The following EYS variants were observed in gnomAD, a reference collection of about 807,000 sequenced individuals.
The protein encoded by EYS is protein eyes shut homolog.
A neutral mutation model predicts 282.1 loss-of-function variants in EYS; 250 were observed. The ratio of observed to expected loss-of-function variants is 0.89; its 90% confidence interval spans 0.80 to 0.98. The LOEUF (loss-of-function observed/expected upper bound fraction) is 0.98. Ranked by LOEUF, EYS falls within the 50% of genes least tolerant of loss-of-function variation. The pLI is 0.00. For missense variants in EYS, 4,016 were observed against 3,709.0 expected (o/e 1.08, Z -2.15); for synonymous variants, 1,355 against 1,282.9 (o/e 1.06, Z -1.20).
chr6:64,134,465 C>G (rs1445780460), intron 31 of EYS, among the ~76,000 whole-genome samples: 1 of 151,684 alleles, frequency 6.6e-6, no homozygotes, highest in South Asian at 2.1e-4. Flanking sequence ...AAAATATATA[C>G]CCAGATTAGG....
chr6:65,524,810 A>G (rs1767495556), intron 2 of EYS, among the ~76,000 whole-genome samples: 1 of 152,246 alleles, frequency 6.6e-6, no homozygotes, highest in Admixed American at 6.5e-5. Flanking sequence ...CAAAGTATCT[A>G]ATATAGCAAG....
intron 2 of EYS, among the ~76,000 whole-genome samples, chr6:65,580,340 T>C (rs1263864669): frequency 6.6e-6 from 1 of 152,102 alleles, no homozygotes; most frequent in Non-Finnish European, 1.5e-5. Context: ...TCAATAAAGT[T>C]ACTAAAAATA....
At chr6:64,807,424 T>C (rs1431131866) in intron 22 of EYS, among the ~76,000 whole-genome samples, 1 of 152,096 alleles carries the variant, frequency 6.6e-6, no homozygotes, top group Non-Finnish European at 1.5e-5. Flanking sequence ...GTAATCTCTG[T>C]AATTTCCCTC....
At chr6:64,574,281 TG>T (rs1168516480) in intron 26 of EYS, among the ~76,000 whole-genome samples, 2 of 151,722 alleles carry the variant, frequency 1.3e-5, no homozygotes, top group Non-Finnish European at 2.9e-5. Flanking sequence ...TATTGGTGGG[TG>T]GGGGCAAGGG....
At chr6:64,777,365 A>C (rs150648132) in intron 22 of EYS, among the ~76,000 whole-genome samples, 158 of 152,266 alleles carry the variant, frequency 1.0e-3, no homozygotes, top group African/African-American at 3.7e-3. Context: ...ATTGGTGGTG[A>C]ACATGCTGTT....
At chr6:63,993,629 T>G (rs981608421) in intron 34 of EYS, among the ~76,000 whole-genome samples, 1 of 151,582 alleles carries the variant, frequency 6.6e-6, no homozygotes, top group Non-Finnish European at 1.5e-5. Context: ...ACATGTAACT[T>G]AAAACTACAA....
chr6:64,085,595 T>C (rs902800637), intron 31 of EYS, among the ~76,000 whole-genome samples: 2 of 152,182 alleles, frequency 1.3e-5, no homozygotes, highest in East Asian at 3.9e-4. Context: ...AAGAATACTT[T>C]CTAGTTAAAT....
At chr6:65,330,740 A>T in intron 11 of EYS, 1 of 954,634 alleles carries the variant, frequency 1.0e-6, no homozygotes, top group Non-Finnish European at 1.2e-6. Context: ...TTAATTGAAA[A>T]ATTTCTCCAT....
At chr6:64,713,848 A>C (rs1456254996) in intron 22 of EYS, among the ~76,000 whole-genome samples, 2 of 152,184 alleles carry the variant, frequency 1.3e-5, no homozygotes, top group Non-Finnish European at 2.9e-5. Flanking sequence ...GATTCCTGGA[A>C]GGGGACTATC....
chr6:63,727,737 A>AAAAATATATATATATAT (rs1554164607), intron 41 of EYS, among the ~76,000 whole-genome samples: 14 of 36,696 alleles, frequency 3.8e-4, no homozygotes, highest in Non-Finnish European at 5.1e-4. Flanking sequence ...AAAAAAAAAA[A>AAAAATATATATATATAT]ATATATATAT....
intron 2 of EYS, among the ~76,000 whole-genome samples, chr6:65,615,072 C>T (rs1332032855): frequency 2.0e-5 from 3 of 152,110 alleles, no homozygotes; most frequent in Admixed American, 6.6e-5. Context: ...ATTCAATCAT[C>T]GTGTTTGCTA....
chr6:64,931,484 G>C (rs1312676063), intron 15 of EYS, among the ~76,000 whole-genome samples: 1 of 151,926 alleles, frequency 6.6e-6, no homozygotes, highest in African/African-American at 2.4e-5. Context: ...AAATTATAAA[G>C]AGATGATCAA....
chr6:64,197,088 G>A (rs748570063), intron 31 of EYS, among the ~76,000 whole-genome samples: 8 of 151,934 alleles, frequency 5.3e-5, no homozygotes, highest in South Asian at 2.1e-4. Flanking sequence ...GTCTCAGGGC[G>A]TGACCAACTT....
intron 12 of EYS, among the ~76,000 whole-genome samples, chr6:65,131,205 C>T (rs1775865146): frequency 6.6e-6 from 1 of 151,538 alleles, no homozygotes; most frequent in African/African-American, 2.4e-5. Flanking sequence ...TAGTCATTTC[C>T]CTTGAGCTTA....
intron 26 of EYS, among the ~76,000 whole-genome samples, chr6:64,517,564 G>A (rs946220463): frequency 4.6e-5 from 7 of 151,726 alleles, no homozygotes; most frequent in East Asian, 1.9e-4. Flanking sequence ...GAGAACAAGC[G>A]GACAAGAGCC....
intron 12 of EYS, among the ~76,000 whole-genome samples, chr6:65,107,737 A>T (rs937173201): frequency 6.6e-6 from 1 of 151,888 alleles, no homozygotes; most frequent in African/African-American, 2.4e-5. Context: ...CTGCCTTTTA[A>T]TCAGGCTGTC....
intron 33 of EYS, among the ~76,000 whole-genome samples, chr6:64,016,982 A>G (rs1239037518): frequency 6.6e-6 from 1 of 151,792 alleles, no homozygotes; most frequent in Non-Finnish European, 1.5e-5. Flanking sequence ...GTCTCCTTTA[A>G]TCATAATCTT....
At chr6:63,963,995 C>T (rs978421046) in intron 35 of EYS, among the ~76,000 whole-genome samples, 2 of 152,060 alleles carry the variant, frequency 1.3e-5, no homozygotes, top group Admixed American at 1.3e-4. Context: ...TTACTCTGCC[C>T]AGTGGAAGGA....
At chr6:64,691,005 A>G (rs1045682374) in intron 22 of EYS, among the ~76,000 whole-genome samples, 2 of 152,066 alleles carry the variant, frequency 1.3e-5, no homozygotes, top group Non-Finnish European at 2.9e-5. Flanking sequence ...AATAATAAAA[A>G]GTAAAAGTCA....
Sources: gnomAD v4.1 joint callset for allele counts (sites outside exome capture counted in the v4.1 genomes callset) on GRCh38, gnomAD v4.1.1 for gene constraint, MANE v1.5 for transcripts, NCBI Gene and HGNC (gene_info 2026-07-23, HGNC 2026-07-21) for gene names.